The following CA4 variants were observed in gnomAD, a reference collection of about 807,000 sequenced individuals.
CA4 encodes the protein carbonic anhydrase 4.
A neutral mutation model predicts 34.5 loss-of-function variants in CA4; 24 were observed. The observed-to-expected ratio is 0.70, with a 90% confidence interval of 0.50 to 0.98. The LOEUF (loss-of-function observed/expected upper bound fraction) is 0.98, where lower values mean the gene tolerates loss of function less well. Among genes scored for constraint, CA4 ranks in the 50% least tolerant of loss-of-function variants. The pLI is 0.00. For synonymous variants in CA4, 178 were observed against 170.6 expected (o/e 1.04, Z -0.34); for missense variants, 394 against 396.7 (o/e 0.99, Z 0.06).
downstream of CA4, among the ~76,000 whole-genome samples, chr17:60,161,904 G>A (rs1377501072): frequency 6.6e-6 from 1 of 152,060 alleles, no homozygotes; most frequent in Non-Finnish European, 1.5e-5. Flanking sequence ...AGGTCAGAAT[G>A]GCCCCTCCCA....
At chr17:60,154,256 G>C (rs183493330) in intron 1 of CA4, among the ~76,000 whole-genome samples, 2 of 150,816 alleles carry the variant, frequency 1.3e-5, no homozygotes, top group Non-Finnish European at 3.0e-5. Flanking sequence ...TGGGAGGGGT[G>C]GGGGGGAGGG....
At chr17:60,161,088 C>T (rs879835537), downstream of CA4, among the ~76,000 whole-genome samples, 3 of 152,044 alleles carry the variant, frequency 2.0e-5, no homozygotes, top group Non-Finnish European at 2.9e-5. Flanking sequence ...TGAGGGAGAG[C>T]TCATGGGGGT....
chr17:60,172,382 T>C (rs571624781), downstream of CA4, among the ~76,000 whole-genome samples: 1 of 152,236 alleles, frequency 6.6e-6, no homozygotes, highest in South Asian at 2.1e-4. Context: ...CTTCCTTCAG[T>C]CTTCTTGGGG....
the CA4 span, among the ~76,000 whole-genome samples, chr17:60,177,872 A>G: frequency 6.6e-6 from 1 of 152,208 alleles, no homozygotes; most frequent in African/African-American, 2.4e-5. Flanking sequence ...GAATCTGACA[A>G]TTAATGAGAA....
intron 7 of CA4, 159 bp from the exon 8 acceptor site, chr17:60,159,071 T>A: frequency 1.4e-6 from 1 of 701,392 alleles, no homozygotes; most frequent in Non-Finnish European, 2.6e-6. Flanking sequence ...TTACATCCCC[T>A]ATTCTTATCA....
intron 2 of CA4, 90 bp downstream of exon 2, chr17:60,155,457 G>C (rs2083661796): frequency 9.7e-7 from 1 of 1,031,710 alleles, no homozygotes; most frequent in African/African-American, 1.6e-5. Flanking sequence ...GGGAAGGGGA[G>C]GGGTGATGGT....
downstream of CA4, among the ~76,000 whole-genome samples, chr17:60,161,411 G>C (rs1872545932): frequency 6.6e-6 from 1 of 152,104 alleles, no homozygotes. Context: ...TGAGTGAATG[G>C]GGCACCCAGG....
At position 60,156,693 on chromosome 17, in the gene CA4, T is replaced by G. The variant is rs1203378084; in HGVS notation, c.246T>G (p.Thr82=). 1.9e-5 allele frequency: 30 copies of G among 1,614,080 alleles called. No homozygotes were observed. The highest frequency in any genetic ancestry group is 2.5e-5 in the Non-Finnish European group (29 of 1,180,038). The part of the protein sequence containing the change: ...FSGYDKKQTW[T]VQNNGHSVMM... Reference sequence around the variant, plus strand: ...GCTACGATAAGAAGCAAACGTGGACTGTCCAAAATAACGGGCACTCAGGTG... The same window carrying G: ...GCTACGATAAGAAGCAAACGTGGACGGTCCAAAATAACGGGCACTCAGGTG... Residue 82 remains threonine, a synonymous_variant, in exon 3 of 8, where the codon ACT becomes ACG. Transcript: ENST00000300900.
At chr17:60,173,933 A>G (rs2083934922), downstream of CA4, among the ~76,000 whole-genome samples, 1 of 152,190 alleles carries the variant, frequency 6.6e-6, no homozygotes, top group Non-Finnish European at 1.5e-5. Flanking sequence ...AGAAACTAGC[A>G]GAGAGCTCTG....
intron 5 of CA4, among the ~76,000 whole-genome samples, chr17:60,166,858 G>A (rs977782834): frequency 1.3e-5 from 2 of 152,260 alleles, no homozygotes; most frequent in African/African-American, 4.8e-5. Context: ...TCTGGAGGCT[G>A]AGGCAGGAGA....
chr17:60,150,633 A>T (rs1218306638), intron 1 of CA4, among the ~76,000 whole-genome samples: 2 of 123,678 alleles, frequency 1.6e-5, no homozygotes, highest in South Asian at 2.8e-4. Flanking sequence ...ACGCCACTGC[A>T]CTCCAGCCTG....
intron 4 of CA4, 54 bp downstream of exon 4, chr17:60,157,626 C>T (rs992566214): frequency 5.0e-6 from 8 of 1,613,830 alleles, no homozygotes; most frequent in African/African-American, 1.3e-5. Flanking sequence ...GCGCACCTGC[C>T]TTGGGCAAGG....
At chr17:60,174,237 A>C (rs1001797574), downstream of CA4, among the ~76,000 whole-genome samples, 2 of 152,114 alleles carry the variant, frequency 1.3e-5, no homozygotes, top group African/African-American at 4.8e-5. Context: ...ATGGGCTCAA[A>C]GTCTATGACC....
chr17:60,168,565 T>C (rs1424678522), intron 5 of CA4, among the ~76,000 whole-genome samples: 1 of 150,440 alleles, frequency 6.6e-6, no homozygotes, highest in Non-Finnish European at 1.5e-5. Flanking sequence ...TTTCTTTTTT[T>C]TTTTTCGGTG....
Position 60,158,085 on chromosome 17 carries a change from T to C in CA4, c.538T>C (p.Phe180Leu), listed in dbSNP as rs1016293659. Residue 180 changes from phenylalanine (F) to leucine (L), a missense_variant, in exon 6 of 8, where the codon TTC becomes CTC. Phe to Leu is a conservative substitution (Grantham distance 22). Coordinates refer to ENST00000300900, the MANE Select transcript of CA4 (RefSeq NM_000717.5). The stretch of plus-strand genomic sequence containing the variant: ...GGCTGGAACCCAGGTGAACGAGGGC[T>C]TCCAGCCACTGGTGGAGGCACTGTC... The part of the protein sequence containing the change: ...VEAGTQVNEG[F>L]QPLVEALSNI... The C allele has an allele frequency of 1.2e-6, 2 of 1,613,890 alleles. No individual in the cohort carries two copies. Among genetic ancestry groups the C allele is most frequent in the African/African-American group, 2.7e-5 (2 of 74,906 alleles).
downstream of CA4, among the ~76,000 whole-genome samples, chr17:60,162,915 G>A (rs146546694): frequency 2.6e-3 from 393 of 152,304 alleles, 3 homozygotes; most frequent in African/African-American, 9.0e-3. Flanking sequence ...CCAGGGGCAG[G>A]GTGGGGGCTG....
rs1468059626 is a variant in CA4, at chr17:60,156,722, T to A, written c.268+7T>A. ...CAAAATAACGGGCACTCAGGTGGGC[T>A]GGATGGAGGCCCCAGGCAGGCCTGG... is the stretch of plus-strand genomic sequence containing the variant. On this transcript the variant is annotated splice_region_variant and intron_variant, in intron 3 of 7. Coordinates refer to ENST00000300900, the MANE Select transcript of CA4 (RefSeq NM_000717.5). The A allele has an allele frequency of 3.1e-6, 5 of 1,613,400 alleles. No individual in the cohort carries two copies. Among genetic ancestry groups the A allele is most frequent in the Non-Finnish European group, 4.2e-6 (5 of 1,179,496 alleles).
downstream of CA4, among the ~76,000 whole-genome samples, chr17:60,161,794 G>A (rs1217676372): frequency 6.6e-6 from 1 of 152,128 alleles, no homozygotes; most frequent in Non-Finnish European, 1.5e-5. Context: ...CAGGCCGCCT[G>A]TCAGCGGGGG....
intron 1 of CA4, among the ~76,000 whole-genome samples, chr17:60,154,860 A>T (rs757542123): frequency 4.6e-5 from 7 of 152,258 alleles, no homozygotes; most frequent in Non-Finnish European, 1.0e-4. Context: ...CTCATCTTGG[A>T]TCTGGGAAGG....
Sources: gnomAD v4.1 joint callset for allele counts (sites outside exome capture counted in the v4.1 genomes callset) on GRCh38, gnomAD v4.1.1 for gene constraint, MANE v1.5 for transcripts, NCBI Gene and HGNC (gene_info 2026-07-23, HGNC 2026-07-21) for gene names.